The following NEO1 variants were observed in gnomAD, a reference collection of about 807,000 sequenced individuals.
The protein encoded by NEO1 is neogenin 1.
Under a neutral mutation model 159.7 loss-of-function variants are expected in NEO1, and 63 were observed. The ratio of observed to expected loss-of-function variants is 0.39; its 90% CI spans 0.32 to 0.49. The LOEUF (loss-of-function observed/expected upper bound fraction) is 0.49. NEO1 is among the 20% of genes least tolerant of loss of function. NEO1 has a pLI of 0.85. For synonymous variants in NEO1, 633 were observed against 662.0 expected (o/e 0.96, Z 0.67); for missense variants, 1,615 against 1,831.0 (o/e 0.88, Z 2.15).
At chr15:73,301,577 G>A in intron 28 of NEO1, 120 bp downstream of exon 28, 1 of 1,316,568 alleles carries the variant, frequency 7.6e-7, no homozygotes, top group Non-Finnish European at 1.1e-6. Flanking sequence ...CTATGAAGCA[G>A]ATACACTCAT....
At chr15:73,107,811 A>G (rs909743026) in intron 1 of NEO1, among the ~76,000 whole-genome samples, 1 of 152,238 alleles carries the variant, frequency 6.6e-6, no homozygotes, top group Non-Finnish European at 1.5e-5. Flanking sequence ...TTGCAACTGT[A>G]TTGGGTGAAT....
Position 73,298,509 on chromosome 15 carries a change from C to G in NEO1, c.4063C>G (p.Pro1355Ala). The G allele has an allele frequency of 6.2e-7, 1 of 1,614,162 alleles. No individual in the cohort carries two copies. Among genetic ancestry groups the G allele is most frequent in the Non-Finnish European group, 8.5e-7 (1 of 1,180,032 alleles). Reference sequence around the variant, plus strand: ...GAGTCTTCCCACTGCCCATGTTCGCCCTTCCCACCCATTGAAGAGCTTCGC... The same window carrying G: ...GAGTCTTCCCACTGCCCATGTTCGCGCTTCCCACCCATTGAAGAGCTTCGC... ...GQSLPTAHVR[P>A]SHPLKSFAVP... Residue 1355 changes from proline to alanine, a missense_variant, in exon 27 of 29, where the codon CCT becomes GCT. By Grantham distance (27) the Pro-to-Ala change is conservative. Around this residue, in one of 3 missense-constraint regions of NEO1, gnomAD observed 471 missense variants for 498.9 expected, o/e 0.94. Transcript: ENST00000261908.
intron 14 of NEO1, among the ~76,000 whole-genome samples, chr15:73,259,342 A>G (rs1016247033): frequency 2.0e-4 from 29 of 148,400 alleles, no homozygotes; most frequent in South Asian, 1.3e-3. Flanking sequence ...AAAAGACCTG[A>G]GTTCTTGTTC....
At chr15:73,125,926 G>T (rs932986554) in intron 3 of NEO1, among the ~76,000 whole-genome samples, 4 of 152,130 alleles carry the variant, frequency 2.6e-5, no homozygotes, top group African/African-American at 9.7e-5. Flanking sequence ...TGGGTCCTGA[G>T]CTTGCTCAGT....
At chr15:73,282,852 G>A in intron 22 of NEO1, 112 bp from the exon 23 acceptor site, 1 of 1,276,398 alleles carries the variant, frequency 7.8e-7, no homozygotes, top group Non-Finnish European at 1.1e-6. Context: ...ATAAGTCAGA[G>A]CAATGAGTGT....
chr15:73,244,071 A>C (rs1567583129), intron 8 of NEO1, among the ~76,000 whole-genome samples: 1 of 152,204 alleles, frequency 6.6e-6, no homozygotes, highest in East Asian at 1.9e-4. Flanking sequence ...GGCATTGAGA[A>C]GAGCCCTGTG....
intron 1 of NEO1, among the ~76,000 whole-genome samples, chr15:73,073,564 A>T (rs1337747098): frequency 6.6e-6 from 1 of 152,062 alleles, no homozygotes; most frequent in African/African-American, 2.4e-5. Flanking sequence ...GTTTCCTGGG[A>T]AGGTTGGGAG....
At chr15:73,270,896 G>C (rs2041135513) in intron 18 of NEO1, among the ~76,000 whole-genome samples, 1 of 152,192 alleles carries the variant, frequency 6.6e-6, no homozygotes, top group African/African-American at 2.4e-5. Flanking sequence ...TTTGTAAGTG[G>C]ACACGAGAGG....
At chr15:73,183,616 T>G (rs150699994) in intron 7 of NEO1, among the ~76,000 whole-genome samples, 2 of 152,246 alleles carry the variant, frequency 1.3e-5, no homozygotes, top group Non-Finnish European at 2.9e-5. Context: ...AGGGCCTACC[T>G]AAGACTGAGG....
intron 5 of NEO1, among the ~76,000 whole-genome samples, chr15:73,170,915 G>T (rs144406131): frequency 6.6e-6 from 1 of 151,620 alleles, no homozygotes; most frequent in African/African-American, 2.4e-5. Flanking sequence ...ATAACCAAAG[G>T]CTGTTAACAT....
intron 1 of NEO1, among the ~76,000 whole-genome samples, chr15:73,104,100 G>A (rs2070548574): frequency 6.6e-6 from 1 of 152,106 alleles, no homozygotes; most frequent in African/African-American, 2.4e-5. Flanking sequence ...AGGCTCAAGC[G>A]ATCATCTTGC....
chr15:73,217,663 T>G (rs977580051), intron 7 of NEO1, among the ~76,000 whole-genome samples: 9 of 152,114 alleles, frequency 5.9e-5, no homozygotes, highest in African/African-American at 2.2e-4. Context: ...GTAAGTTGGA[T>G]TCCTAAGTAT....
chr15:73,222,275 T>G (rs2150765542), intron 7 of NEO1, among the ~76,000 whole-genome samples: 1 of 151,628 alleles, frequency 6.6e-6, no homozygotes, highest in Admixed American at 6.6e-5. Flanking sequence ...CAGCTAATTT[T>G]TTGTATTTTT....
chr15:73,238,840 ATTTTG>A (rs150140722), intron 8 of NEO1, among the ~76,000 whole-genome samples: 2,430 of 150,908 alleles, frequency 0.016, 49 homozygotes, highest in East Asian at 0.049. Flanking sequence ...GTTTGTTTTT[ATTTTG>A]TTTTGTTTTG....
Position 73,288,366 on chromosome 15 carries a change from C to G in NEO1, c.3464C>G (p.Ser1155Cys). The G allele has an allele frequency of 6.2e-7, 1 of 1,614,130 alleles. No homozygotes were observed. The highest frequency in any genetic ancestry group is 2.2e-5 in the East Asian group (1 of 44,876). ...VNGSHKYKGNSKDVKPPDLWI... is the reference protein window; with the variant it reads ...VNGSHKYKGNCKDVKPPDLWI... ...GGCTCTCATAAGTACAAAGGGAATTCCAAAGATGTGAAACCTCCAGATCTC... is the reference window on the plus strand; with the variant it reads ...GGCTCTCATAAGTACAAAGGGAATTGCAAAGATGTGAAACCTCCAGATCTC... The change falls in exon 24 of 29, where the codon TCC becomes TGC. Residue 1155 changes from serine to cysteine, a missense_variant. Ser to Cys is a moderately radical substitution (Grantham distance 112). Coordinates refer to ENST00000261908, the MANE Select transcript of NEO1 (RefSeq NM_002499.4).
chr15:73,301,292 AC>A (rs1567737716), intron 27 of NEO1, 28 bp from the exon 28 acceptor site: 1 of 1,613,806 alleles, frequency 6.2e-7, no homozygotes, highest in South Asian at 1.1e-5. Flanking sequence ...AGGCTTGGCC[AC>A]ATATCTGATG....
chr15:73,234,996 A>T (rs187101006), intron 7 of NEO1, among the ~76,000 whole-genome samples: 1 of 152,220 alleles, frequency 6.6e-6, no homozygotes, highest in Non-Finnish European at 1.5e-5. Context: ...AATGATCTAT[A>T]TAGAGAGCCA....
intron 7 of NEO1, among the ~76,000 whole-genome samples, chr15:73,193,330 AT>A (rs1416235534): frequency 6.6e-6 from 1 of 151,994 alleles, no homozygotes; most frequent in Non-Finnish European, 1.5e-5. Context: ...AGAGCTGAGT[AT>A]TTAATTTAGC....
intron 5 of NEO1, among the ~76,000 whole-genome samples, chr15:73,146,397 T>C (rs2032901751): frequency 6.6e-6 from 1 of 152,246 alleles, no homozygotes; most frequent in African/African-American, 2.4e-5. Context: ...TAGTATGCTA[T>C]CTGTATTCAG....
Sources: gnomAD v4.1 joint callset for allele counts (sites outside exome capture counted in the v4.1 genomes callset) on GRCh38, gnomAD v4.1.1 for gene constraint, gnomAD v4.1.1 regional missense constraint, MANE v1.5 for transcripts, NCBI Gene and HGNC (gene_info 2026-07-23, HGNC 2026-07-21) for gene names.